ZMYM2: variants seen among roughly 807,000 people sequenced by gnomAD.
The protein encoded by ZMYM2 is zinc finger MYM-type containing 2, also known as zinc finger MYM-type protein 2.
A neutral mutation model predicts 162.8 loss-of-function variants in ZMYM2; 56 were observed. The ratio of observed to expected loss-of-function variants is 0.34; its 90% CI spans 0.28 to 0.43. The LOEUF (loss-of-function observed/expected upper bound fraction) is 0.43, where lower values mean the gene tolerates loss of function less well. Ranked by LOEUF, ZMYM2 falls within the 20% of genes least tolerant of loss-of-function variation. The pLI, the probability that ZMYM2 is intolerant of heterozygous loss-of-function variation, is 1.00. For synonymous variants in ZMYM2, 510 were observed against 541.6 expected (o/e 0.94, Z 0.81); for missense variants, 1,275 against 1,621.8 (o/e 0.79, Z 3.67).
chr13:19,915,683 T>C, the ZMYM2 span, among the ~76,000 whole-genome samples: 2 of 151,400 alleles, frequency 1.3e-5, no homozygotes, highest in Non-Finnish European at 2.9e-5. Context: ...TTTGTATTTT[T>C]AGTAGAGACA....
At chr13:19,909,656 C>T in the ZMYM2 span, among the ~76,000 whole-genome samples, 1 of 151,862 alleles carries the variant, frequency 6.6e-6, no homozygotes, top group African/African-American at 2.4e-5. Context: ...TGGTCTGGAA[C>T]TCCTGACCTC....
At chr13:19,972,206 A>T (rs190968351) in intron 2 of ZMYM2, among the ~76,000 whole-genome samples, 1 of 152,328 alleles carries the variant, frequency 6.6e-6, no homozygotes, top group Admixed American at 6.5e-5. Context: ...ACATGAATTA[A>T]ATGGTTCCTA....
the ZMYM2 span, among the ~76,000 whole-genome samples, chr13:19,951,527 TAAAAAAAAA>T: frequency 2.3e-3 from 177 of 76,430 alleles, no homozygotes; most frequent in Admixed American, 4.9e-3. Flanking sequence ...CCATCTCTAC[TAAAAAAAAA>T]AAAAAAAAAA....
intron 2 of ZMYM2, among the ~76,000 whole-genome samples, chr13:19,963,831 C>CG (rs1349885320): frequency 1.3e-5 from 2 of 152,074 alleles, no homozygotes; most frequent in African/African-American, 4.8e-5. Flanking sequence ...ATTTTTTAAA[C>CG]TCTTTTTAAG....
rs145073885 is a variant in ZMYM2, at chr13:20,017,667, T to TC, written c.1513-1874dup. ...GATCCCTAAGGCTCTGTTTTACTTT[T>TC]CCCCCCACCCAGTCTGTTTTTCGGG... On this transcript the variant is annotated intron_variant, in intron 6 of 24. Coordinates refer to ENST00000610343, the MANE Select transcript of ZMYM2 (RefSeq NM_197968.4). Among the ~76,000 whole-genome samples the TC allele has an allele frequency of 7.0e-3, 1,064 of 152,144 alleles. 8 individuals carry two copies. The highest frequency in any genetic ancestry group is 8.7e-3 in the Non-Finnish European group (590 of 67,988).
chr13:20,045,249 C>T (rs1320540662), intron 12 of ZMYM2, among the ~76,000 whole-genome samples: 1 of 151,996 alleles, frequency 6.6e-6, no homozygotes, highest in Non-Finnish European at 1.5e-5. Context: ...ATCTGCAATT[C>T]ACCATGTTAA....
In ZMYM2 at chr13:20,052,302, C is replaced by T. The variant is rs936764875; in HGVS notation, c.2484C>T (p.Thr828=). 16 of 1,569,224 alleles carry T rather than the reference C, an allele frequency of 1.0e-5. No individual in the cohort carries two copies. Among genetic ancestry groups the T allele is most frequent in the Non-Finnish European group, 1.4e-5 (16 of 1,156,354 alleles). The part of the protein sequence containing the change: ...HYDQGCQTSR[T]KMTGSAPPPS... ...ATCAGGGTTGTCAGACATCTCGAAC[C>T]AAAATGACAGTAAGTATTGGTGAAA... Residue 828 remains threonine (T), a synonymous_variant, in exon 14 of 25, where the codon ACC becomes ACT. Transcript: ENST00000610343.
intron 4 of ZMYM2, among the ~76,000 whole-genome samples, chr13:20,003,383 T>C (rs953806536): frequency 3.3e-5 from 5 of 152,228 alleles, no homozygotes; most frequent in Non-Finnish European, 7.3e-5. Flanking sequence ...ACATGATTAA[T>C]GAGAAGAAAT....
chr13:19,992,935 T>C (rs543043854), intron 2 of ZMYM2, 128 bp from the exon 3 acceptor site: 3 of 1,063,462 alleles, frequency 2.8e-6, no homozygotes, highest in East Asian at 2.7e-5. Flanking sequence ...TTTTCCTGAA[T>C]GTTAGACAAG....
chr13:19,946,185 C>A, the ZMYM2 span, among the ~76,000 whole-genome samples: 2 of 152,168 alleles, frequency 1.3e-5, no homozygotes, highest in African/African-American at 4.8e-5. Context: ...CAATTCCCCA[C>A]AAAGTGGCCA....
chr13:19,918,054 C>G, the ZMYM2 span, among the ~76,000 whole-genome samples: 5 of 151,840 alleles, frequency 3.3e-5, no homozygotes, highest in Admixed American at 6.6e-5. Flanking sequence ...GAGACCCTGT[C>G]TCAAAAAACA....
intron 19 of ZMYM2, among the ~76,000 whole-genome samples, chr13:20,065,027 CTT>C (rs1376195693): frequency 6.6e-6 from 1 of 152,080 alleles, no homozygotes. Flanking sequence ...TTTCTGGTCT[CTT>C]TTAGGCATAC....
intron 12 of ZMYM2, among the ~76,000 whole-genome samples, chr13:20,048,279 G>A (rs1216407562): frequency 9.6e-6 from 1 of 104,404 alleles, no homozygotes; most frequent in Non-Finnish European, 2.0e-5. Context: ...TTTATAAACA[G>A]CTATATCCAT....
At chr13:19,967,637 A>G (rs1285211317) in intron 2 of ZMYM2, among the ~76,000 whole-genome samples, 2 of 152,250 alleles carry the variant, frequency 1.3e-5, no homozygotes, top group Non-Finnish European at 2.9e-5. Flanking sequence ...ATTTTGCTCC[A>G]GTATTTACCA....
intron 6 of ZMYM2, among the ~76,000 whole-genome samples, chr13:20,012,087 T>C (rs1368731712): frequency 6.6e-6 from 1 of 152,060 alleles, no homozygotes; most frequent in Non-Finnish European, 1.5e-5. Flanking sequence ...GGTTCCACCA[T>C]GTTGGCCAGG....
Position 19,993,146 on chromosome 13 carries a change from C to G in ZMYM2, c.74C>G (p.Ala25Gly), listed in dbSNP as rs1949758247. The change falls in exon 3 of 25, where the codon GCA becomes GGA. Residue 25 changes from alanine to glycine, a missense_variant. Ala to Gly is a moderately conservative substitution (Grantham distance 60). Around this residue, in one of 10 missense-constraint regions of ZMYM2, gnomAD observed 295 missense variants for 286.7 expected, o/e 1.03. Coordinates refer to ENST00000610343, the MANE Select transcript of ZMYM2 (RefSeq NM_197968.4). ...GTTTTATTAGGGAGTACGGCCATGG[C>G]AACTAGTCTCACGAATGTAGGAAAC... ...TPVLLGSTAMATSLTNVGNSF... is the reference protein window; with the variant it reads ...TPVLLGSTAMGTSLTNVGNSF... The G allele has an allele frequency of 1.2e-6, 2 of 1,614,074 alleles. No homozygotes were observed. The highest frequency in any genetic ancestry group is 1.7e-6 in the Non-Finnish European group (2 of 1,180,008).
intron 2 of ZMYM2, among the ~76,000 whole-genome samples, chr13:19,974,944 G>A (rs1408423624): frequency 6.6e-6 from 1 of 152,094 alleles, no homozygotes; most frequent in Non-Finnish European, 1.5e-5. Context: ...TAATATAAGA[G>A]AAAATTGGTG....
intron 9 of ZMYM2, among the ~76,000 whole-genome samples, chr13:20,030,176 A>G (rs1342261875): frequency 6.6e-6 from 1 of 151,570 alleles, no homozygotes; most frequent in Non-Finnish European, 1.5e-5. Flanking sequence ...TTTTCTCCTA[A>G]CTTTGAAGAA....
chr13:20,060,793 G>T lies in ZMYM2; in HGVS notation c.2740-260G>T, dbSNP rs549629468. ...CTTGCAGTACTTAGAAGAACACTGT[G>T]TCAGGGCTTGGCTATTATAGTCCCC... is the stretch of plus-strand genomic sequence containing the variant. On this transcript the variant is annotated intron_variant, in intron 16 of 24. Transcript: ENST00000610343. Among the ~76,000 whole-genome samples, 50 of 152,202 alleles carry T rather than the reference G, an allele frequency of 3.3e-4. No homozygotes were observed. The Middle Eastern group carries it at 0.01, about 31-fold the overall frequency.
Sources: allele counts gnomAD v4.1 joint callset (sites outside exome capture counted in the v4.1 genomes callset), GRCh38; gene constraint gnomAD v4.1.1; regional missense constraint gnomAD v4.1.1; transcripts MANE v1.5; gene names NCBI Gene and HGNC (gene_info 2026-07-23, HGNC 2026-07-21).